The following PUDP variants were observed in gnomAD, a reference collection of about 807,000 sequenced individuals.
The protein encoded by PUDP is pseudouridine 5'-phosphatase, also known as pseudouridine-5'-phosphatase.
PUDP carries 8 observed loss-of-function variants against 9.4 expected under a neutral mutation model. The observed-to-expected ratio is 0.85, with a 90% CI of 0.50 to 1.53. PUDP has a LOEUF of 1.53. Among genes scored for constraint, PUDP ranks in the 40% most tolerant of loss-of-function variants. The pLI, the probability that PUDP is intolerant of heterozygous loss-of-function variation, is 0.00. For missense variants in PUDP, 188 were observed against 189.7 expected, an observed-to-expected ratio of 0.99 and a Z score of 0.05; for synonymous variants, 99 against 80.7, an observed-to-expected ratio of 1.23 and a Z score of -1.22.
At chrX:6,772,430 G>A (rs1768191906) in intron 3 of PUDP, among the ~76,000 whole-genome samples, 1 of 110,679 alleles carries the variant, frequency 9.0e-6, no homozygotes, top group African/African-American at 3.3e-5. Context: ...CATATTAACA[G>A]ATTGAGACAC....
intron 3 of PUDP, among the ~76,000 whole-genome samples, chrX:6,892,986 G>A (rs757006501): frequency 4.5e-5 from 5 of 111,788 alleles, no homozygotes; most frequent in African/African-American, 1.6e-4. Context: ...ATGGCAGGCT[G>A]TGCTGATTTA....
chrX:6,812,522 A>C (rs1926160316), intron 3 of PUDP, among the ~76,000 whole-genome samples: 1 of 112,099 alleles, frequency 8.9e-6, no homozygotes, highest in South Asian at 3.7e-4. Context: ...AAAGTTTAAA[A>C]ATGATGTCTT....
intron 2 of PUDP, among the ~76,000 whole-genome samples, chrX:7,101,528 A>G (rs1383900138): frequency 8.9e-6 from 1 of 112,203 alleles, no homozygotes; most frequent in African/African-American, 3.2e-5. Flanking sequence ...ATTCACTAGC[A>G]CTCCAGCCAA....
At chrX:6,753,931 G>C (rs1925138954) in intron 3 of PUDP, among the ~76,000 whole-genome samples, 1 of 111,733 alleles carries the variant, frequency 8.9e-6, no homozygotes, top group Non-Finnish European at 1.9e-5. Flanking sequence ...TGGGTTGTCT[G>C]TTTACTCTGC....
intron 1 of PUDP, among the ~76,000 whole-genome samples, chrX:7,141,153 C>T (rs1932791969): frequency 1.8e-5 from 2 of 112,411 alleles, no homozygotes; most frequent in Admixed American, 1.9e-4. Context: ...AAGAGTCACA[C>T]ATCTCTCACT....
rs150609049 is a variant in PUDP at position 7,093,221 on chromosome X, A to C, written c.280+12399T>G. 1.6e-4 allele frequency among the ~76,000 whole-genome samples: 18 copies of C among 110,938 alleles called. No homozygotes were observed. In the East Asian group the frequency reaches 3.4e-3, roughly 21 times the overall value. ...ACTTTCTGCCTCTATGGATTTGACA[A>C]CTCTAGGGACATCATACTGAAGCAG... On this transcript the variant is annotated intron_variant, in intron 2 of 3. Transcript: ENST00000381077.
intron 3 of PUDP, among the ~76,000 whole-genome samples, chrX:6,938,729 G>T (rs1027228772): frequency 6.4e-4 from 69 of 107,333 alleles, no homozygotes; most frequent in Non-Finnish European, 1.2e-3. Flanking sequence ...CATGAATTAT[G>T]CCAATTTAAG....
rs529876587 is a variant in PUDP, at chrX:6,990,775, A to G, written c.205-12432T>C. Among the ~76,000 whole-genome samples the G allele has an allele frequency of 9.4e-4, 106 of 112,784 alleles. No individual in the cohort carries two copies. In the South Asian group the frequency reaches 0.037, roughly 40 times the overall value. On this transcript the variant is annotated intron_variant and NMD_transcript_variant, in intron 1 of 3. Transcript: ENST00000655425. ...CTTCCCTTATTGAAGGAACGAAGTC[A>G]GAAAACTGGGAATTGGTACCTTCCA...
intron 2 of PUDP, among the ~76,000 whole-genome samples, chrX:6,977,585 C>A (rs1328322130): frequency 8.9e-6 from 1 of 111,951 alleles, no homozygotes; most frequent in East Asian, 2.8e-4. Context: ...CTATTAAAGG[C>A]AAGTGATATA....
intron 1 of PUDP, among the ~76,000 whole-genome samples, chrX:6,998,492 T>C (rs1479334218): frequency 9.1e-6 from 1 of 109,877 alleles, no homozygotes; most frequent in Admixed American, 9.7e-5. Flanking sequence ...GGCAATTGAC[T>C]GTCAGGGCAA....
intron 3 of PUDP, among the ~76,000 whole-genome samples, chrX:6,947,147 C>T (rs1007291847): frequency 1.8e-5 from 2 of 109,416 alleles, no homozygotes; most frequent in Non-Finnish European, 3.8e-5. Context: ...ACTACAGGCA[C>T]GCACCACCAC....
intron 3 of PUDP, among the ~76,000 whole-genome samples, chrX:6,743,343 C>T (rs5948743): frequency 0.21 from 23,758 of 110,795 alleles, 2,310 homozygotes; most frequent in African/African-American, 0.35. Flanking sequence ...GCTTCCATTG[C>T]TACAGGCTAA....
At chrX:6,960,779 A>G (rs1327006912) in intron 3 of PUDP, among the ~76,000 whole-genome samples, 4 of 111,668 alleles carry the variant, frequency 3.6e-5, no homozygotes, top group East Asian at 5.7e-4. Flanking sequence ...AGCTGCCACC[A>G]ACAGAGTATA....
chrX:6,927,818 T>G (rs1041492996), intron 3 of PUDP, among the ~76,000 whole-genome samples: 18 of 110,956 alleles, frequency 1.6e-4, no homozygotes, highest in African/African-American at 5.9e-4. Flanking sequence ...GGTGGTGGGC[T>G]GGGGGAGAAG....
At chrX:6,714,051 C>A (rs1924566845) in intron 1 of PUDP, among the ~76,000 whole-genome samples, 1 of 110,232 alleles carries the variant, frequency 9.1e-6, no homozygotes, top group Non-Finnish European at 1.9e-5. Context: ...ACCACCATAC[C>A]CGGCTAATTT....
At chrX:6,758,816 T>G (rs78722750) in intron 3 of PUDP, among the ~76,000 whole-genome samples, 4,335 of 110,976 alleles carry the variant, frequency 0.039, 146 homozygotes, top group East Asian at 0.22. Context: ...CTCATCAACG[T>G]GCGGAAGGCA....
At chrX:7,125,833 G>A (rs1932471405) in intron 1 of PUDP, among the ~76,000 whole-genome samples, 1 of 110,339 alleles carries the variant, frequency 9.1e-6, no homozygotes, top group South Asian at 3.9e-4. Context: ...TCACTATCAC[G>A]AGAACAGCAC....
rs769942212 is a variant in PUDP at position 7,028,172 on chromosome X, TA to T, written c.204+49047del. Among the ~76,000 whole-genome samples the T allele has an allele frequency of 9.2e-5, 10 of 109,187 alleles. No individual in the cohort carries two copies. The East Asian group carries it at 2.6e-3, about 28-fold the overall frequency. 94.8% of individuals were successfully genotyped at this position (109,187 alleles called of 115,157 possible). A position where few individuals can be genotyped will look rare whatever the true frequency, so the allele number is the denominator to read the frequency against. ...TATAATAGATACATAGTCTAGACTA[TA>T]TAACAAATGATAATATAGTCTTTCT... On this transcript the variant is annotated intron_variant and NMD_transcript_variant, in intron 1 of 3. Coordinates refer to the PUDP transcript ENST00000655425.
intron 3 of PUDP, among the ~76,000 whole-genome samples, chrX:6,805,812 C>T (rs1926041908): frequency 9.0e-6 from 1 of 110,659 alleles, no homozygotes; most frequent in Admixed American, 9.7e-5. Flanking sequence ...GTCACTGTGC[C>T]CAGTCTGGGA....
Sources: allele counts gnomAD v4.1 joint callset (sites outside exome capture counted in the v4.1 genomes callset), GRCh38; gene constraint gnomAD v4.1.1; transcripts MANE v1.5; gene names NCBI Gene and HGNC (gene_info 2026-07-23, HGNC 2026-07-21).